Variants in BACH1 observed in about 807,000 individuals in gnomAD.
BACH1 encodes BTB domain and CNC homolog 1, also known as transcription regulator protein BACH1.
Under a neutral mutation model 52.9 loss-of-function variants are expected in BACH1, and 35 were observed. The ratio of observed to expected loss-of-function variants is 0.66; its 90% CI spans 0.51 to 0.88. The LOEUF is 0.88. Ranked by LOEUF, BACH1 falls within the 40% of genes least tolerant of loss-of-function variation. The probability of loss-of-function intolerance (pLI) is 0.00; values close to 1 mark genes in which losing one functional copy is unlikely to be tolerated. For missense variants in BACH1, 808 were observed against 872.6 expected, an observed-to-expected ratio of 0.93 and a Z score of 0.93; for synonymous variants, 321 against 319.6, an observed-to-expected ratio of 1.00 and a Z score of -0.05.
At chr21:29,300,631 A>G (rs1442448235) in intron 1 of BACH1, among the ~76,000 whole-genome samples, 1 of 152,236 alleles carries the variant, frequency 6.6e-6, no homozygotes, top group Non-Finnish European at 1.5e-5. Flanking sequence ...AATAAAAAAT[A>G]TTGTAACAAA....
chr21:29,322,597 A>G (rs2088861475), intron 2 of BACH1, among the ~76,000 whole-genome samples: 1 of 152,220 alleles, frequency 6.6e-6, no homozygotes. Flanking sequence ...ATTGGGACAC[A>G]AATAGAAGTT....
intron 1 of BACH1, among the ~76,000 whole-genome samples, chr21:29,303,649 A>G (rs1377854022): frequency 2.6e-5 from 4 of 152,258 alleles, no homozygotes; most frequent in South Asian, 2.1e-4. Flanking sequence ...TAAGATAGAC[A>G]TAAAACTTGT....
Position 29,342,518 on chromosome 21 carries a change from A to G in BACH1, c.1896A>G (p.Gln632=), listed in dbSNP as rs1232971534. The G allele has an allele frequency of 1.2e-6, 2 of 1,614,244 alleles. No individual in the cohort carries two copies. Among genetic ancestry groups the G allele is most frequent in the East Asian group, 2.2e-5 (1 of 44,894 alleles). The change falls in exon 5 of 5, where the codon CAA becomes CAG. Residue 632 remains glutamine, a synonymous_variant. Coordinates refer to ENST00000286800, the MANE Select transcript of BACH1 (RefSeq NM_001186.4). ...TTTGTAAAGAAGCAGCTCTGAGTCA[A>G]GAACAAATACAGATACTCGCCAAGT... ...QKVCKEAALS[Q]EQIQILAKYS...
chr21:29,302,483 C>G (rs1202153876), intron 1 of BACH1, among the ~76,000 whole-genome samples: 1 of 152,180 alleles, frequency 6.6e-6, no homozygotes, highest in Non-Finnish European at 1.5e-5. Context: ...AGCCAGACTG[C>G]TTAAGGTCAG....
chr21:29,346,596 C>T (rs759369861), downstream of BACH1, among the ~76,000 whole-genome samples: 11 of 152,024 alleles, frequency 7.2e-5, no homozygotes, highest in Non-Finnish European at 1.3e-4. Context: ...TTGGCAGTTC[C>T]CAGAGACACA....
chr21:29,330,388 G>A (rs1182979872), intron 4 of BACH1, among the ~76,000 whole-genome samples: 1 of 151,976 alleles, frequency 6.6e-6, no homozygotes, highest in Non-Finnish European at 1.5e-5. Context: ...CACTGTGTGA[G>A]CCAGGATGGT....
chr21:29,327,356 A>G lies in BACH1; in HGVS notation c.1532A>G (p.Asp511Gly). The change falls in exon 3 of 5, where the codon GAC becomes GGC. Residue 511 changes from aspartate to glycine, a missense_variant. Coordinates refer to ENST00000286800, the MANE Select transcript of BACH1 (RefSeq NM_001186.4). ...GDDSETDTEGDSESCSAREQE... is the reference protein window; with the variant it reads ...GDDSETDTEGGSESCSAREQE... ...GACTCTGAGACGGACACCGAAGGAGACAGTGAATCCTGTTCAGCCAGAGAA... is the reference window on the plus strand; with the variant it reads ...GACTCTGAGACGGACACCGAAGGAGGCAGTGAATCCTGTTCAGCCAGAGAA... 6.2e-7 allele frequency: 1 copy of G among 1,614,162 alleles called. No individual in the cohort carries two copies. Among genetic ancestry groups the G allele is most frequent in the Non-Finnish European group, 8.5e-7 (1 of 1,180,016 alleles).
At chr21:29,356,598 C>T (rs1435761146) in intron 2 of BACH1, among the ~76,000 whole-genome samples, 4 of 152,204 alleles carry the variant, frequency 2.6e-5, no homozygotes, top group Non-Finnish European at 5.9e-5. Flanking sequence ...TCTGGTCAGA[C>T]CTTTGTATGG....
At chr21:29,304,903 T>C (rs1342236084) in intron 1 of BACH1, among the ~76,000 whole-genome samples, 2 of 152,370 alleles carry the variant, frequency 1.3e-5, no homozygotes, top group Non-Finnish European at 2.9e-5. Context: ...TCAGACAGTT[T>C]TGTTATAAAA....
At position 29,342,849 on chromosome 21, in the gene BACH1, C is replaced by T. The variant is rs756664051; in HGVS notation, c.*16C>T. 1 of 1,553,946 alleles carries T rather than the reference C, an allele frequency of 6.4e-7. No homozygotes were observed. The highest frequency in any genetic ancestry group is 1.2e-5 in the South Asian group (1 of 83,654). On this transcript the variant is annotated 3_prime_UTR_variant, in exon 5 of 5. Transcript: ENST00000286800. ...TGATGAGTAAACTTGCATTCACTTCCTTCAAACCATCTAATTTTCTCCTGA... is the reference window on the plus strand; with the variant it reads ...TGATGAGTAAACTTGCATTCACTTCTTTCAAACCATCTAATTTTCTCCTGA...
In BACH1 at chr21:29,352,078, G is replaced by C. The variant is rs527418827; in HGVS notation, c.472+22385G>C. 4.1e-4 allele frequency among the ~76,000 whole-genome samples: 60 copies of C among 147,472 alleles called. 2 individuals carry two copies. In the South Asian group the frequency reaches 0.011, roughly 28 times the overall value. On this transcript the variant is annotated intron_variant, in intron 2 of 4. Transcript: ENST00000422809. ...TTTTCTTTTTTTTTTTTTTTGAGAT[G>C]GAGTCTCACTTTTTTGCCCAGGCTG...
intron 2 of BACH1, among the ~76,000 whole-genome samples, chr21:29,357,163 G>C (rs1341022882): frequency 6.6e-6 from 1 of 152,202 alleles, no homozygotes; most frequent in African/African-American, 2.4e-5. Flanking sequence ...CCCTTTCCCA[G>C]TTCTAAGGCT....
chr21:29,302,475 C>T (rs1180356353), intron 1 of BACH1, among the ~76,000 whole-genome samples: 16 of 152,178 alleles, frequency 1.1e-4, no homozygotes, highest in Admixed American at 1.0e-3. Flanking sequence ...AGTTCTGGAG[C>T]CAGACTGCTT....
intron 4 of BACH1, among the ~76,000 whole-genome samples, chr21:29,333,074 C>G (rs1343436159): frequency 6.6e-6 from 1 of 152,178 alleles, no homozygotes. Flanking sequence ...CCAGTTGCAG[C>G]GTGAGGGGTA....
chr21:29,307,192 A>G lies in BACH1; in HGVS notation c.-61+8239A>G, dbSNP rs188857035. ...TTCTTGAATCAGGAGTACAAACAGG[A>G]ACATCTTCCCTTTTCTACACACTCA... On this transcript the variant is annotated intron_variant, in intron 1 of 4. Coordinates refer to ENST00000286800, the MANE Select transcript of BACH1 (RefSeq NM_001186.4). Among the ~76,000 whole-genome samples the G allele has an allele frequency of 1.8e-3, 277 of 152,298 alleles. 3 individuals carry two copies. Among genetic ancestry groups the G allele is most frequent in the African/African-American group, 6.5e-3 (270 of 41,554 alleles).
At position 29,327,177 on chromosome 21, in the gene BACH1, G is replaced by A; in HGVS notation, c.1353G>A (p.Arg451=). ...RISESPEPGQ[R]TFTTLSSVNC... ...GTGAGAGCCCAGAACCAGGTCAAAGGACTTTCACAACATTAAGTTCTGTCA... is the reference window on the plus strand; with the variant it reads ...GTGAGAGCCCAGAACCAGGTCAAAGAACTTTCACAACATTAAGTTCTGTCA... Residue 451 remains arginine (R), a synonymous_variant, in exon 3 of 5, where the codon AGG becomes AGA. Transcript: ENST00000286800. The A allele has an allele frequency of 6.2e-7, 1 of 1,614,194 alleles. No individual in the cohort carries two copies. Among genetic ancestry groups the A allele is most frequent in the Non-Finnish European group, 8.5e-7 (1 of 1,180,040 alleles).
chr21:29,331,856 T>G (rs2088987159), intron 4 of BACH1, among the ~76,000 whole-genome samples: 1 of 152,212 alleles, frequency 6.6e-6, no homozygotes, highest in African/African-American at 2.4e-5. Context: ...CTATGTATTT[T>G]TTATTATTTT....
chr21:29,352,698 TG>T (rs1168147919), intron 2 of BACH1: 1 of 152,120 alleles, frequency 6.6e-6, no homozygotes, highest in East Asian at 1.9e-4. Context: ...TATTTGTTTT[TG>T]TTGTTGTTGT....
chr21:29,325,467 A>G (rs947518372), intron 2 of BACH1, among the ~76,000 whole-genome samples: 5 of 152,334 alleles, frequency 3.3e-5, no homozygotes, highest in Middle Eastern at 6.8e-3. Flanking sequence ...CATGATTTTT[A>G]TAACTTCTCT....
Sources: allele counts gnomAD v4.1 joint callset (sites outside exome capture counted in the v4.1 genomes callset), GRCh38; gene constraint gnomAD v4.1.1; transcripts MANE v1.5; gene names NCBI Gene and HGNC (gene_info 2026-07-23, HGNC 2026-07-21).